The following PARP16 variants were observed in gnomAD, a reference collection of about 807,000 sequenced individuals.
PARP16 encodes the protein protein mono-ADP-ribosyltransferase PARP16.
In PARP16, 31 loss-of-function variants were observed where a neutral mutation model predicts 35.0. The observed-to-expected ratio is 0.88, with a 90% CI of 0.66 to 1.19. PARP16 has a LOEUF of 1.19. PARP16 is among the 50% of genes most tolerant of loss of function. PARP16 has a pLI of 0.00. For synonymous variants in PARP16, 162 were observed against 169.5 expected, an observed-to-expected ratio of 0.96 and a Z score of 0.34; for missense variants, 424 against 411.2, an observed-to-expected ratio of 1.03 and a Z score of -0.27.
At chr15:65,257,443 A>T (rs1021609725), downstream of PARP16, among the ~76,000 whole-genome samples, 2 of 151,426 alleles carry the variant, frequency 1.3e-5, no homozygotes, top group Non-Finnish European at 2.9e-5. Flanking sequence ...CAAAAAAAAA[A>T]TTTAAGAAAG....
chr15:65,232,511 T>G (rs73468722), downstream of PARP16, among the ~76,000 whole-genome samples: 40,360 of 152,104 alleles, frequency 0.27, 5,832 homozygotes, highest in African/African-American at 0.36. Context: ...CAGTGCTTTG[T>G]TTTGTTGGAG....
intron 2 of PARP16, among the ~76,000 whole-genome samples, chr15:65,250,067 CTCA>C (rs1175249810): frequency 6.7e-6 from 1 of 148,638 alleles, no homozygotes; most frequent in African/African-American, 2.5e-5. Context: ...GTCTTCTTTG[CTCA>C]GACAGCCCCT....
chr15:65,264,197 T>C (rs1192926281), intron 3 of PARP16, among the ~76,000 whole-genome samples: 3 of 152,126 alleles, frequency 2.0e-5, no homozygotes, highest in Non-Finnish European at 2.9e-5. Context: ...GACCTGTAAG[T>C]TGAGGCTACA....
At chr15:65,233,839 G>A (rs1422905467), downstream of PARP16, among the ~76,000 whole-genome samples, 2 of 151,922 alleles carry the variant, frequency 1.3e-5, no homozygotes, top group Non-Finnish European at 2.9e-5. Flanking sequence ...GTTTCGTTGC[G>A]CAACTTGCCT....
At chr15:65,238,896 A>G (rs1340037409) in intron 3 of PARP16, among the ~76,000 whole-genome samples, 1 of 152,024 alleles carries the variant, frequency 6.6e-6, no homozygotes, top group East Asian at 1.9e-4. Context: ...CAGGAGGCAG[A>G]GGCAGGAGCA....
At chr15:65,269,198 T>TCTCTCTCTCTCTCTCTCTCTCTCCTC (rs2090013849) in intron 2 of PARP16, among the ~76,000 whole-genome samples, 1 of 87,234 alleles carries the variant, frequency 1.1e-5, no homozygotes, top group African/African-American at 4.1e-5. Flanking sequence ...CTTTCTTTCT[T>TCTCTCTCTCTCTCTCTCTCTCTCCTC]TCTTTCTTTT....
At chr15:65,249,240 T>C (rs1041289104) in intron 2 of PARP16, among the ~76,000 whole-genome samples, 1 of 152,234 alleles carries the variant, frequency 6.6e-6, no homozygotes, top group African/African-American at 2.4e-5. Context: ...GTGTCCACTT[T>C]TGTAAAATGA....
chr15:65,233,393 C>G (rs1444404805), downstream of PARP16, among the ~76,000 whole-genome samples: 6 of 152,052 alleles, frequency 3.9e-5, no homozygotes, highest in African/African-American at 1.4e-4. Flanking sequence ...CAGATCGAGA[C>G]TCCGTCTCAA....
intron 1 of PARP16, among the ~76,000 whole-genome samples, chr15:65,272,942 C>A (rs907482932): frequency 1.4e-4 from 21 of 152,162 alleles, no homozygotes; most frequent in Non-Finnish European, 2.6e-4. Context: ...ACCCTGGCAA[C>A]CTTTCCTTCT....
chr15:65,232,052 G>A (rs541089811), downstream of PARP16, among the ~76,000 whole-genome samples: 7 of 152,206 alleles, frequency 4.6e-5, no homozygotes, highest in Non-Finnish European at 8.8e-5. Context: ...TGCTGTGCCA[G>A]TTTAGACTAC....
intron 2 of PARP16, among the ~76,000 whole-genome samples, chr15:65,269,174 T>TCTCTCTCTCTCTCTCTCTCTCTCTCTC (rs60229565): frequency 6.8e-6 from 1 of 146,736 alleles, no homozygotes; most frequent in African/African-American, 2.5e-5. Context: ...TTTAGTCGGT[T>TCTCTCTCTCTCTCTCTCTCTCTCTCTC]TTTTTCTTTC....
chr15:65,253,881 G>C (rs570005306), downstream of PARP16, among the ~76,000 whole-genome samples: 1 of 152,088 alleles, frequency 6.6e-6, no homozygotes, highest in Non-Finnish European at 1.5e-5. Context: ...GCAGTGGCAC[G>C]ATCTCAGCTT....
intron 2 of PARP16, 95 bp downstream of exon 2, chr15:65,270,840 C>T (rs780089976): frequency 2.3e-5 from 29 of 1,245,556 alleles, no homozygotes; most frequent in Non-Finnish European, 2.2e-5. Flanking sequence ...GCCCAGGTCA[C>T]TGGTACACAG....
intron 1 of PARP16, among the ~76,000 whole-genome samples, chr15:65,278,709 G>C (rs2090330759): frequency 6.6e-6 from 1 of 152,212 alleles, no homozygotes; most frequent in South Asian, 2.1e-4. Flanking sequence ...AAAAGCTGGA[G>C]ATACTCAGGT....
intron 1 of PARP16, among the ~76,000 whole-genome samples, chr15:65,276,693 C>A (rs908711988): frequency 1.3e-5 from 2 of 152,024 alleles, no homozygotes; most frequent in Non-Finnish European, 2.9e-5. Context: ...TATAAATAAC[C>A]CATGCAATAT....
At chr15:65,245,236 C>T (rs906904817) in intron 3 of PARP16, among the ~76,000 whole-genome samples, 5 of 152,226 alleles carry the variant, frequency 3.3e-5, no homozygotes, top group African/African-American at 1.2e-4. Context: ...TTCCTCGCCA[C>T]CCCACCTCCT....
At chr15:65,271,403 A>G (rs1215219418) in intron 1 of PARP16, among the ~76,000 whole-genome samples, 1 of 152,020 alleles carries the variant, frequency 6.6e-6, no homozygotes, top group Non-Finnish European at 1.5e-5. Context: ...CCTCCCGAGT[A>G]GCTGGGACTA....
intron 2 of PARP16, 123 bp from the exon 3 acceptor site, chr15:65,266,891 T>C (rs2089911209): frequency 2.8e-6 from 2 of 702,640 alleles, no homozygotes; most frequent in Non-Finnish European, 5.0e-6. Context: ...ACAGGTTTCA[T>C]GAGGATAGAG....
At chr15:65,231,316 G>A (rs762717307), downstream of PARP16, among the ~76,000 whole-genome samples, 1 of 152,194 alleles carries the variant, frequency 6.6e-6, no homozygotes, top group Admixed American at 6.5e-5. Context: ...GCATGTGTGC[G>A]CACACACGTT....
Sources: gnomAD v4.1 joint callset for allele counts (sites outside exome capture counted in the v4.1 genomes callset) on GRCh38, gnomAD v4.1.1 for gene constraint, MANE v1.5 for transcripts, NCBI Gene and HGNC (gene_info 2026-07-23, HGNC 2026-07-21) for gene names.